AFF2: variants seen among roughly 807,000 people sequenced by gnomAD.
The protein encoded by AFF2 is ALF transcription elongation factor 2.
AFF2 carries 14 observed loss-of-function variants against 76.9 expected under a neutral mutation model. That is an observed-to-expected ratio of 0.18 (90% CI 0.12 to 0.28). AFF2 has a LOEUF of 0.28. Ranked by LOEUF, AFF2 falls within the 10% of genes least tolerant of loss-of-function variation. AFF2 has a pLI of 1.00. For synonymous variants in AFF2, 398 were observed against 366.7 expected (o/e 1.09, Z -0.98); for missense variants, 868 against 1,001.1 (o/e 0.87, Z 1.79).
intron 1 of AFF2, among the ~76,000 whole-genome samples, chrX:148,531,120 G>C (rs1244680951): frequency 8.9e-6 from 1 of 112,013 alleles, no homozygotes; most frequent in African/African-American, 3.2e-5. Flanking sequence ...TATGGTAAAA[G>C]TATGAACATA....
chrX:148,622,304 A>G (rs781901692), intron 1 of AFF2, among the ~76,000 whole-genome samples: 164 of 112,037 alleles, frequency 1.5e-3, no homozygotes, highest in African/African-American at 5.0e-3. Flanking sequence ...ATTGACACAC[A>G]AAATTGTGGG....
chrX:148,901,043 C>T (rs1236519511), intron 8 of AFF2, among the ~76,000 whole-genome samples: 1 of 112,177 alleles, frequency 8.9e-6, no homozygotes, highest in Non-Finnish European at 1.9e-5. Context: ...TTGCAGCTTC[C>T]AGAGCACTGT....
intron 9 of AFF2, among the ~76,000 whole-genome samples, chrX:148,929,421 T>G (rs1406166001): frequency 8.9e-6 from 1 of 112,351 alleles, no homozygotes; most frequent in African/African-American, 3.2e-5. Flanking sequence ...ACTGCCTCAT[T>G]TAATATCATT....
At chrX:148,640,782 G>A (rs1200209814) in intron 1 of AFF2, among the ~76,000 whole-genome samples, 1 of 112,065 alleles carries the variant, frequency 8.9e-6, no homozygotes, top group African/African-American at 3.2e-5. Flanking sequence ...ACAAGCATTC[G>A]CAAAGGCCAA....
chrX:148,987,427 T>G lies in AFF2; in HGVS notation c.3684T>G (p.Cys1228Trp). 1 of 1,211,169 alleles carries G rather than the reference T, an allele frequency of 8.3e-7. No homozygotes were observed. Among genetic ancestry groups the G allele is most frequent in the Non-Finnish European group, 1.1e-6 (1 of 895,112 alleles). ...NVSPINAMGN[C>W]NNGPVTIPQR... ...CCCCCATCAACGCAATGGGGAACTG[T>G]AACAATGGCCCAGTCACCATTCCCC... Residue 1228 changes from cysteine (C) to tryptophan (W), a missense_variant, in exon 20 of 21, where the codon TGT (cysteine) becomes TGG (tryptophan). This residue lies in a region of AFF2 where 46 missense variants were observed against 40.8 expected (regional missense o/e 1.13). Coordinates refer to ENST00000370460, the MANE Select transcript of AFF2 (RefSeq NM_002025.4).
chrX:148,575,556 C>G (rs2053278793), intron 1 of AFF2, among the ~76,000 whole-genome samples: 1 of 110,905 alleles, frequency 9.0e-6, no homozygotes, highest in Non-Finnish European at 1.9e-5. Flanking sequence ...TCAGTGTATT[C>G]AAATCACCCT....
At chrX:148,779,123 G>A (rs193108304) in intron 3 of AFF2, among the ~76,000 whole-genome samples, 5 of 111,847 alleles carry the variant, frequency 4.5e-5, no homozygotes, top group Non-Finnish European at 7.5e-5. Context: ...TCAGGAGCAG[G>A]TTGTTCAGTT....
At chrX:148,553,955 G>A (rs1451040362) in intron 1 of AFF2, among the ~76,000 whole-genome samples, 2 of 111,392 alleles carry the variant, frequency 1.8e-5, no homozygotes, top group African/African-American at 6.5e-5. Context: ...CCTCAGGTTA[G>A]AGGAAGGTAC....
At chrX:148,817,115 A>C (rs782592541) in intron 4 of AFF2, among the ~76,000 whole-genome samples, 1 of 111,335 alleles carries the variant, frequency 9.0e-6, no homozygotes, top group African/African-American at 3.3e-5. Context: ...GCTATTTAAA[A>C]AATAGATAAA....
chrX:148,690,423 C>T (rs2054639288), intron 3 of AFF2, among the ~76,000 whole-genome samples: 1 of 111,870 alleles, frequency 8.9e-6, no homozygotes, highest in Non-Finnish European at 1.9e-5. Context: ...CCATAGATAC[C>T]ATCTAGTCTA....
At chrX:148,510,482 A>G (rs2052471074) in intron 1 of AFF2, among the ~76,000 whole-genome samples, 1 of 111,720 alleles carries the variant, frequency 9.0e-6, no homozygotes, top group African/African-American at 3.3e-5. Flanking sequence ...GATAGATGCT[A>G]TACTAGTGGC....
At chrX:148,802,520 C>T (rs1051952392) in intron 3 of AFF2, among the ~76,000 whole-genome samples, 6 of 111,650 alleles carry the variant, frequency 5.4e-5, no homozygotes, top group African/African-American at 2.0e-4. Flanking sequence ...TATACATATC[C>T]CTCATTATTT....
chrX:148,837,074 T>G (rs2070535795), intron 4 of AFF2, among the ~76,000 whole-genome samples: 1 of 111,603 alleles, frequency 9.0e-6, no homozygotes, highest in Admixed American at 9.5e-5. Flanking sequence ...GACAGTACTG[T>G]CCTCCCTTGA....
At chrX:148,931,425 A>G (rs984086067) in intron 9 of AFF2, among the ~76,000 whole-genome samples, 5 of 111,540 alleles carry the variant, frequency 4.5e-5, no homozygotes, top group Non-Finnish European at 7.5e-5. Flanking sequence ...TATAGTCACT[A>G]TAACCCATTT....
intron 1 of AFF2, among the ~76,000 whole-genome samples, chrX:148,559,878 T>C (rs2053091132): frequency 8.9e-6 from 1 of 111,759 alleles, no homozygotes; most frequent in Non-Finnish European, 1.9e-5. Context: ...GTTGAACTAA[T>C]TTACACTCCC....
intron 3 of AFF2, among the ~76,000 whole-genome samples, chrX:148,780,305 T>C (rs782131091): frequency 3.1e-3 from 347 of 111,975 alleles, no homozygotes; most frequent in Non-Finnish European, 5.5e-3. Context: ...TCTTTGTAGG[T>C]TGGGGAGGTT....
intron 1 of AFF2, among the ~76,000 whole-genome samples, chrX:148,539,582 T>C (rs2052829131): frequency 9.0e-6 from 1 of 111,282 alleles, no homozygotes; most frequent in Non-Finnish European, 1.9e-5. Context: ...CATTTCTCTT[T>C]CTCTTGCTAT....
chrX:148,895,190 G>T (rs782809820), intron 8 of AFF2, among the ~76,000 whole-genome samples: 2 of 111,301 alleles, frequency 1.8e-5, no homozygotes, highest in South Asian at 7.6e-4. Flanking sequence ...TTGCTTACTG[G>T]GGGGGCCAGC....
chrX:148,585,325 C>T (rs1242670096), intron 1 of AFF2, among the ~76,000 whole-genome samples: 2 of 111,568 alleles, frequency 1.8e-5, no homozygotes, highest in Non-Finnish European at 3.8e-5. Flanking sequence ...ATTTATTAGC[C>T]CTACAATTGT....
Sources: gnomAD v4.1 joint callset for allele counts (sites outside exome capture counted in the v4.1 genomes callset) on GRCh38, gnomAD v4.1.1 for gene constraint, gnomAD v4.1.1 regional missense constraint, MANE v1.5 for transcripts, NCBI Gene and HGNC (gene_info 2026-07-23, HGNC 2026-07-21) for gene names.